The following UBE3C variants were observed in gnomAD, a reference collection of about 807,000 sequenced individuals.
The protein encoded by UBE3C is ubiquitin protein ligase E3C.
Under a neutral mutation model 129.4 loss-of-function variants are expected in UBE3C, and 42 were observed. That is an observed-to-expected ratio of 0.32 (90% CI 0.25 to 0.42). The LOEUF (loss-of-function observed/expected upper bound fraction) is 0.42, where lower values mean the gene tolerates loss of function less well. UBE3C is among the 10% of genes least tolerant of loss of function. The pLI is 1.00. For missense variants in UBE3C, 1,049 were observed against 1,319.1 expected (o/e 0.80, Z 3.17); for synonymous variants, 510 against 492.4 (o/e 1.04, Z -0.47).
chr7:157,227,752 C>G (rs1795920348), intron 17 of UBE3C, among the ~76,000 whole-genome samples: 1 of 152,026 alleles, frequency 6.6e-6, no homozygotes, highest in African/African-American at 2.4e-5. Flanking sequence ...ATGTTACTGT[C>G]CAATTATAAC....
At chr7:157,199,241 A>G (rs1438928645) in intron 10 of UBE3C, among the ~76,000 whole-genome samples, 3 of 152,190 alleles carry the variant, frequency 2.0e-5, no homozygotes, top group Non-Finnish European at 2.9e-5. Flanking sequence ...ATTATTTTGA[A>G]AGTTCGTATT....
At chr7:157,182,040 A>G (rs2116922948) in intron 7 of UBE3C, 68 bp from the exon 8 acceptor site, 1 of 1,428,916 alleles carries the variant, frequency 7.0e-7, no homozygotes, top group East Asian at 2.3e-5. Context: ...TTGAAAGGTG[A>G]TTTTAATCAG....
intron 18 of UBE3C, 118 bp downstream of exon 18, chr7:157,231,445 T>C (rs1321038483): frequency 5.4e-6 from 8 of 1,471,312 alleles, no homozygotes; most frequent in Non-Finnish European, 7.3e-6. Flanking sequence ...ATTTGGATGC[T>C]AAATGTTGCA....
At chr7:157,263,685 G>A (rs1796984583) in intron 22 of UBE3C, among the ~76,000 whole-genome samples, 1 of 148,548 alleles carries the variant, frequency 6.7e-6, no homozygotes. Flanking sequence ...AAAAAGTCTA[G>A]CAAGTATTAG....
chr7:157,262,470 A>T (rs111900340), intron 22 of UBE3C, among the ~76,000 whole-genome samples: 6,136 of 116,332 alleles, frequency 0.053, 329 homozygotes, highest in African/African-American at 0.15. Flanking sequence ...CCCAGGCTGG[A>T]GTACAATGGC....
intron 21 of UBE3C, among the ~76,000 whole-genome samples, chr7:157,255,976 C>CT (rs1197201092): frequency 6.6e-6 from 1 of 152,140 alleles, no homozygotes; most frequent in Non-Finnish European, 1.5e-5. Context: ...CACCCATTGT[C>CT]TGTCATGTTA....
intron 1 of UBE3C, among the ~76,000 whole-genome samples, chr7:157,163,221 TAAAA>T (rs899735256): frequency 6.6e-6 from 1 of 150,984 alleles, no homozygotes; most frequent in Non-Finnish European, 1.5e-5. Context: ...CCGTCTCTAC[TAAAA>T]AAATACAAAA....
At chr7:157,177,634 G>T (rs1178313274) in intron 5 of UBE3C, among the ~76,000 whole-genome samples, 1 of 152,248 alleles carries the variant, frequency 6.6e-6, no homozygotes, top group Non-Finnish European at 1.5e-5. Flanking sequence ...GTGTGGTGCT[G>T]AGGGGAAAGT....
At chr7:157,168,074 G>A (rs540172644) in intron 2 of UBE3C, among the ~76,000 whole-genome samples, 6 of 152,006 alleles carry the variant, frequency 3.9e-5, no homozygotes, top group Admixed American at 1.3e-4. Context: ...CCTGCTAGCC[G>A]GGCACGGTGG....
intron 9 of UBE3C, among the ~76,000 whole-genome samples, chr7:157,185,414 ATTTAAC>A (rs1422208474): frequency 1.3e-5 from 2 of 152,298 alleles, no homozygotes; most frequent in South Asian, 2.1e-4. Flanking sequence ...TCTGTGTATT[ATTTAAC>A]TTTATACTTT....
chr7:157,154,019 C>A (rs1477083933), intron 1 of UBE3C, among the ~76,000 whole-genome samples: 1 of 151,018 alleles, frequency 6.6e-6, no homozygotes, highest in African/African-American at 2.4e-5. Flanking sequence ...TTAACTTTTT[C>A]TGTTTAAAAA....
intron 18 of UBE3C, among the ~76,000 whole-genome samples, chr7:157,239,208 C>T (rs1056637867): frequency 1.3e-5 from 2 of 152,132 alleles, no homozygotes; most frequent in Non-Finnish European, 2.9e-5. Context: ...ACAAAAATGT[C>T]CTTCGAAAGC....
At chr7:157,232,251 G>T (rs774547953) in intron 18 of UBE3C, among the ~76,000 whole-genome samples, 2 of 152,158 alleles carry the variant, frequency 1.3e-5, no homozygotes, top group Non-Finnish European at 2.9e-5. Context: ...TCCAAAGAAG[G>T]TTATATTCAC....
chr7:157,190,670 T>TA (rs1286775062), intron 10 of UBE3C, among the ~76,000 whole-genome samples: 1 of 152,166 alleles, frequency 6.6e-6, no homozygotes, highest in East Asian at 1.9e-4. Flanking sequence ...TTGTGGAAAA[T>TA]ACAACCCTGA....
intron 9 of UBE3C, 62 bp downstream of exon 9, chr7:157,184,091 C>T (rs1386015235): frequency 1.9e-6 from 3 of 1,580,028 alleles, no homozygotes; most frequent in South Asian, 1.1e-5. Flanking sequence ...GATCTTCTAG[C>T]TTTCTGTCCA....
chr7:157,182,765 G>C (rs552205008), intron 8 of UBE3C, among the ~76,000 whole-genome samples: 1 of 151,900 alleles, frequency 6.6e-6, no homozygotes, highest in South Asian at 2.1e-4. Flanking sequence ...GGGTGCGGGG[G>C]GGTATATAGA....
intron 17 of UBE3C, among the ~76,000 whole-genome samples, chr7:157,228,445 G>C (rs1795936020): frequency 6.6e-6 from 1 of 152,244 alleles, no homozygotes; most frequent in African/African-American, 2.4e-5. Context: ...TCTTGGGTGA[G>C]AGTGAGGCAC....
chr7:157,223,820 T>C (rs546919303), intron 16 of UBE3C, among the ~76,000 whole-genome samples: 11 of 152,204 alleles, frequency 7.2e-5, no homozygotes, highest in African/African-American at 2.4e-4. Flanking sequence ...CTTGGGATGC[T>C]GAGGTAGGAG....
At chr7:157,243,507 G>A (rs917244691) in intron 18 of UBE3C, among the ~76,000 whole-genome samples, 3 of 152,208 alleles carry the variant, frequency 2.0e-5, no homozygotes, top group African/African-American at 7.2e-5. Context: ...CTCAGCTCAC[G>A]TTTAGAGATT....
Sources: allele counts gnomAD v4.1 joint callset (sites outside exome capture counted in the v4.1 genomes callset), GRCh38; gene constraint gnomAD v4.1.1; transcripts MANE v1.5; gene names NCBI Gene and HGNC (gene_info 2026-07-23, HGNC 2026-07-21).